The following DOCK3 variants were observed in gnomAD, a reference collection of about 807,000 sequenced individuals.
The protein encoded by DOCK3 is dedicator of cytokinesis 3, also known as dedicator of cytokinesis protein 3.
DOCK3 carries 60 observed loss-of-function variants against 265.6 expected under a neutral mutation model. The observed-to-expected ratio is 0.23, with a 90% confidence interval of 0.18 to 0.28. The LOEUF is 0.28. DOCK3 is among the 10% of genes least tolerant of loss of function. DOCK3 has a pLI of 1.00. For synonymous variants in DOCK3, 881 were observed against 938.0 expected (o/e 0.94, Z 1.11); for missense variants, 1,981 against 2,594.3 (o/e 0.76, Z 5.14).
chr3:51,039,664 G>T (rs576743928), intron 5 of DOCK3, among the ~76,000 whole-genome samples: 53 of 151,836 alleles, frequency 3.5e-4, no homozygotes, highest in South Asian at 2.3e-3. Context: ...TTTCTTTTGG[G>T]TTTGTTTTTT....
Position 51,361,504 on chromosome 3 carries a change from G to T in DOCK3, c.5007-355G>T, listed in dbSNP as rs2086730778. On this transcript the variant is annotated intron_variant, in intron 47 of 52. Transcript: ENST00000266037. The surrounding 1 kb of genome is among the most constrained non-coding windows in gnomAD (Gnocchi z 4.2). Reference sequence around the variant, plus strand: ...GGGTTGGGGGGTGGGCACTGACCCAGACTAATACCCCATAGAAAGGGGAAC... The same window carrying T: ...GGGTTGGGGGGTGGGCACTGACCCATACTAATACCCCATAGAAAGGGGAAC... 6.6e-6 allele frequency among the ~76,000 whole-genome samples: 1 copy of T among 152,094 alleles called. No homozygotes were observed. The highest frequency in any genetic ancestry group is 1.5e-5 in the Non-Finnish European group (1 of 67,994).
At chr3:51,341,490 TGGTGAGTGGGTG>T (rs1383106783) in intron 38 of DOCK3, 105 bp downstream of exon 38, 6 of 1,510,088 alleles carry the variant, frequency 4.0e-6, no homozygotes, top group Non-Finnish European at 5.4e-6. Context: ...GTGTGTGGGG[TGGTGAGTGGGTG>T]GGTGCCTATC....
chr3:51,236,520 G>A (rs2078356408), intron 20 of DOCK3, 92 bp downstream of exon 20: 2 of 1,140,914 alleles, frequency 1.8e-6, no homozygotes, highest in South Asian at 2.8e-5. Context: ...GAGTGAATCA[G>A]CACAAGATAT....
chr3:50,961,185 A>G (rs1348046682), intron 5 of DOCK3, among the ~76,000 whole-genome samples: 1 of 152,118 alleles, frequency 6.6e-6, no homozygotes, highest in Non-Finnish European at 1.5e-5. Flanking sequence ...TGCTTTGGCT[A>G]TTTTGGGTCC....
At chr3:51,342,777 G>T (rs1382505948) in intron 38 of DOCK3, among the ~76,000 whole-genome samples, 2 of 152,214 alleles carry the variant, frequency 1.3e-5, no homozygotes, top group Non-Finnish European at 2.9e-5. Flanking sequence ...CACAAAGTGT[G>T]CCTGAGTACT....
chr3:50,864,144 A>AT (rs1433402670), intron 3 of DOCK3, among the ~76,000 whole-genome samples: 1 of 152,166 alleles, frequency 6.6e-6, no homozygotes, highest in Non-Finnish European at 1.5e-5. Context: ...AGTAATAGCT[A>AT]TTGTAACTAG....
At chr3:51,019,398 C>G (rs992397467) in intron 5 of DOCK3, among the ~76,000 whole-genome samples, 1 of 151,890 alleles carries the variant, frequency 6.6e-6, no homozygotes, top group South Asian at 2.1e-4. Flanking sequence ...AACCTAGTGA[C>G]TGTATATGTG....
intron 27 of DOCK3, among the ~76,000 whole-genome samples, chr3:51,289,582 T>TG (rs1366037747): frequency 6.6e-6 from 1 of 150,928 alleles, no homozygotes; most frequent in Non-Finnish European, 1.5e-5. Context: ...TTACTTTGAA[T>TG]GTAAATAGAT....
At chr3:50,716,087 T>A (rs2037086803) in intron 1 of DOCK3, among the ~76,000 whole-genome samples, 1 of 152,052 alleles carries the variant, frequency 6.6e-6, no homozygotes, top group Admixed American at 6.6e-5. Context: ...ACTTAGGTCA[T>A]TTTTGGTACA....
chr3:50,986,419 G>C (rs570895101), intron 5 of DOCK3, among the ~76,000 whole-genome samples: 1 of 152,222 alleles, frequency 6.6e-6, no homozygotes, highest in African/African-American at 2.4e-5. Context: ...GATTAGTTTG[G>C]CTACTATAAA....
chr3:51,230,619 C>T (rs753766195), intron 19 of DOCK3, among the ~76,000 whole-genome samples: 7 of 151,908 alleles, frequency 4.6e-5, no homozygotes, highest in East Asian at 1.9e-4. Flanking sequence ...CCGGTTCAAG[C>T]GATTCTCCTG....
chr3:51,232,012 T>A (rs182350234), intron 19 of DOCK3, among the ~76,000 whole-genome samples: 70 of 152,332 alleles, frequency 4.6e-4, no homozygotes, highest in African/African-American at 1.4e-3. Flanking sequence ...GGAAGGAAAT[T>A]GTTAATTTCC....
intron 1 of DOCK3, among the ~76,000 whole-genome samples, chr3:50,706,334 AT>A (rs1277944579): frequency 1.3e-5 from 2 of 152,092 alleles, no homozygotes; most frequent in Admixed American, 1.3e-4. Flanking sequence ...AAAGACTTTT[AT>A]TTCTATTTTG....
At chr3:50,696,926 A>C (rs1368800857) in intron 1 of DOCK3, among the ~76,000 whole-genome samples, 1 of 148,978 alleles carries the variant, frequency 6.7e-6, no homozygotes, top group Non-Finnish European at 1.5e-5. Flanking sequence ...CATAGCACTG[A>C]ATTTTTTTTT....
intron 9 of DOCK3, among the ~76,000 whole-genome samples, chr3:51,128,100 A>T (rs570188234): frequency 6.6e-6 from 1 of 152,160 alleles, no homozygotes; most frequent in Non-Finnish European, 1.5e-5. Context: ...TAATGGAATC[A>T]TTGTGTCTTT....
chr3:50,914,341 A>G (rs1387398624), intron 4 of DOCK3, among the ~76,000 whole-genome samples: 1 of 152,034 alleles, frequency 6.6e-6, no homozygotes, highest in East Asian at 1.9e-4. Context: ...TGATTTCTAT[A>G]AACTTTCCTC....
chr3:51,254,083 T>C (rs1435992717), intron 22 of DOCK3, among the ~76,000 whole-genome samples: 2 of 152,210 alleles, frequency 1.3e-5, no homozygotes, highest in East Asian at 3.8e-4. Flanking sequence ...TTCTCATTGG[T>C]TTCGAAGAAC....
chr3:50,919,565 G>T (rs186085707), intron 4 of DOCK3, among the ~76,000 whole-genome samples: 1 of 152,100 alleles, frequency 6.6e-6, no homozygotes, highest in East Asian at 1.9e-4. Flanking sequence ...TGTTACTGGT[G>T]TAGAGGAATG....
intron 1 of DOCK3, among the ~76,000 whole-genome samples, chr3:50,730,191 G>T (rs1034123044): frequency 6.6e-6 from 1 of 152,024 alleles, no homozygotes; most frequent in Non-Finnish European, 1.5e-5. Context: ...ACCCAGGCTG[G>T]AGTGCAGTGG....
Sources: allele counts gnomAD v4.1 joint callset (sites outside exome capture counted in the v4.1 genomes callset), GRCh38; gene constraint gnomAD v4.1.1; non-coding constraint Gnocchi (gnomAD v3.1); transcripts MANE v1.5; gene names NCBI Gene and HGNC (gene_info 2026-07-23, HGNC 2026-07-21).